The following PTPRD variants were observed in gnomAD, a reference collection of about 807,000 sequenced individuals.
PTPRD encodes the protein protein tyrosine phosphatase receptor type D.
PTPRD carries 34 observed loss-of-function variants against 214.5 expected under a neutral mutation model. The observed-to-expected ratio is 0.16, with a 90% CI of 0.12 to 0.21. The LOEUF (loss-of-function observed/expected upper bound fraction) is 0.21. Ranked by LOEUF, PTPRD falls within the 10% of genes least tolerant of loss-of-function variation. PTPRD has a pLI of 1.00. For synonymous variants in PTPRD, 1,128 were observed against 845.7 expected, an observed-to-expected ratio of 1.33 and a Z score of -5.79; for missense variants, 2,545 against 2,398.7, an observed-to-expected ratio of 1.06 and a Z score of -1.27.
At chr9:8,671,978 C>T (rs950538771) in intron 12 of PTPRD, among the ~76,000 whole-genome samples, 5 of 152,160 alleles carry the variant, frequency 3.3e-5, no homozygotes, top group South Asian at 2.1e-4. Context: ...AAACATCTCA[C>T]GAGTCCATAA....
chr9:9,287,715 A>C (rs1569567079), intron 9 of PTPRD, among the ~76,000 whole-genome samples: 2 of 152,068 alleles, frequency 1.3e-5, no homozygotes, highest in African/African-American at 4.8e-5. Context: ...CTTTTGAAAC[A>C]TATCAGTTGA....
At chr9:8,901,379 G>A (rs2154251719) in intron 11 of PTPRD, among the ~76,000 whole-genome samples, 1 of 152,242 alleles carries the variant, frequency 6.6e-6, no homozygotes, top group Non-Finnish European at 1.5e-5. Flanking sequence ...CCATCAATAT[G>A]AATGACTAGT....
intron 9 of PTPRD, among the ~76,000 whole-genome samples, chr9:9,263,739 G>A (rs975403838): frequency 6.6e-6 from 1 of 151,558 alleles, no homozygotes; most frequent in Non-Finnish European, 1.5e-5. Flanking sequence ...CTTATAGGTG[G>A]GAACTAAACA....
intron 8 of PTPRD, among the ~76,000 whole-genome samples, chr9:9,433,821 T>A (rs2084149237): frequency 6.6e-6 from 1 of 152,228 alleles, no homozygotes; most frequent in African/African-American, 2.4e-5. Flanking sequence ...CCAAATTGGA[T>A]AATTTACTTT....
At chr9:10,131,155 G>A (rs291305) in intron 3 of PTPRD, among the ~76,000 whole-genome samples, 60,004 of 151,894 alleles carry the variant, frequency 0.4, 13,071 homozygotes, top group Middle Eastern at 0.51. Context: ...TGAGGATGGA[G>A]CAAATCTCTA....
chr9:8,696,035 C>T (rs1362766737), intron 12 of PTPRD, among the ~76,000 whole-genome samples: 1 of 152,196 alleles, frequency 6.6e-6, no homozygotes, highest in Non-Finnish European at 1.5e-5. Context: ...TCCAGTATGA[C>T]ACCTGACATA....
intron 7 of PTPRD, among the ~76,000 whole-genome samples, chr9:9,600,343 A>C (rs1474803982): frequency 6.6e-6 from 1 of 152,128 alleles, no homozygotes; most frequent in Non-Finnish European, 1.5e-5. Flanking sequence ...CACAATGAAA[A>C]GATACAACTG....
intron 2 of PTPRD, among the ~76,000 whole-genome samples, chr9:10,415,237 T>C (rs1386935947): frequency 6.6e-6 from 1 of 151,822 alleles, no homozygotes; most frequent in East Asian, 1.9e-4. Flanking sequence ...ATTATATACA[T>C]AATATATAAA....
At chr9:9,499,426 C>G (rs879709281) in intron 8 of PTPRD, among the ~76,000 whole-genome samples, 1 of 151,950 alleles carries the variant, frequency 6.6e-6, no homozygotes, top group African/African-American at 2.4e-5. Flanking sequence ...AATATATTGC[C>G]GAACTATAGT....
chr9:8,373,352 T>C (rs950275187), intron 39 of PTPRD, among the ~76,000 whole-genome samples: 1 of 151,988 alleles, frequency 6.6e-6, no homozygotes, highest in Non-Finnish European at 1.5e-5. Context: ...TAAAATTACC[T>C]ATGGGTAATT....
At chr9:9,103,883 G>C (rs958990462) in intron 10 of PTPRD, among the ~76,000 whole-genome samples, 3 of 152,162 alleles carry the variant, frequency 2.0e-5, no homozygotes, top group African/African-American at 7.2e-5. Flanking sequence ...CCTGGAGGCT[G>C]AGGTGAGAAG....
At chr9:9,433,145 G>A (rs1427127013) in intron 8 of PTPRD, among the ~76,000 whole-genome samples, 6 of 152,160 alleles carry the variant, frequency 3.9e-5, no homozygotes, top group Non-Finnish European at 1.5e-5. Context: ...AACCTTCAAA[G>A]CAAACACATG....
chr9:9,174,444 T>C (rs2099923366), intron 10 of PTPRD, among the ~76,000 whole-genome samples: 1 of 152,208 alleles, frequency 6.6e-6, no homozygotes, highest in Non-Finnish European at 1.5e-5. Context: ...TACATACTCC[T>C]ATTGGCTCAA....
intron 7 of PTPRD, among the ~76,000 whole-genome samples, chr9:9,702,125 A>G (rs1302518771): frequency 6.6e-6 from 1 of 152,100 alleles, no homozygotes; most frequent in Non-Finnish European, 1.5e-5. Flanking sequence ...GTCTCAAAAG[A>G]AAGAGAGAGA....
At chr9:8,541,290 T>G (rs1262860290) in intron 14 of PTPRD, among the ~76,000 whole-genome samples, 1 of 152,142 alleles carries the variant, frequency 6.6e-6, no homozygotes, top group Non-Finnish European at 1.5e-5. Context: ...ACTGCAATGG[T>G]GCAATCATAG....
At chr9:8,526,283 A>G (rs993676703) in intron 17 of PTPRD, among the ~76,000 whole-genome samples, 4 of 151,342 alleles carry the variant, frequency 2.6e-5, no homozygotes, top group African/African-American at 7.3e-5. Flanking sequence ...AAAAAAAAAG[A>G]AAAAGGAAAA....
At chr9:9,520,814 G>C (rs550902858) in intron 8 of PTPRD, among the ~76,000 whole-genome samples, 5 of 152,112 alleles carry the variant, frequency 3.3e-5, no homozygotes, top group Non-Finnish European at 7.4e-5. Context: ...TCTACGAGTC[G>C]TAGAATCAAG....
intron 2 of PTPRD, among the ~76,000 whole-genome samples, chr9:10,566,772 T>C (rs149423216): frequency 1.3e-5 from 2 of 152,080 alleles, no homozygotes; most frequent in Non-Finnish European, 2.9e-5. Flanking sequence ...GTCATGAAGA[T>C]ACTCTCATAG....
At chr9:8,930,556 G>A (rs2098945535) in intron 11 of PTPRD, among the ~76,000 whole-genome samples, 1 of 152,094 alleles carries the variant, frequency 6.6e-6, no homozygotes, top group Non-Finnish European at 1.5e-5. Flanking sequence ...CACAATGGTT[G>A]AACTAGTTTA....
Sources: gnomAD v4.1 joint callset for allele counts (sites outside exome capture counted in the v4.1 genomes callset) on GRCh38, gnomAD v4.1.1 for gene constraint, MANE v1.5 for transcripts, NCBI Gene and HGNC (gene_info 2026-07-23, HGNC 2026-07-21) for gene names.